NAA35: variants seen among roughly 807,000 people sequenced by gnomAD.
NAA35 encodes MAK10 homolog, amino-acid N-acetyltransferase subunit.
In NAA35, 18 loss-of-function variants were observed where a neutral mutation model predicts 101.7. That is an observed-to-expected ratio of 0.18 (90% CI 0.12 to 0.26). The LOEUF is 0.26. NAA35 is among the 10% of genes least tolerant of loss of function. NAA35 has a pLI of 1.00. For missense variants in NAA35, 601 were observed against 886.8 expected (o/e 0.68, Z 4.09); for synonymous variants, 267 against 273.1 (o/e 0.98, Z 0.22).
intron 11 of NAA35, 125 bp downstream of exon 11, chr9:85,978,506 T>TA: frequency 1.6e-6 from 1 of 640,196 alleles, no homozygotes; most frequent in South Asian, 1.9e-5. Flanking sequence ...TCCAGAGACT[T>TA]ACAGTGTTTA....
chr9:85,987,552 TTC>T (rs1221187242), intron 11 of NAA35, among the ~76,000 whole-genome samples: 5 of 152,196 alleles, frequency 3.3e-5, no homozygotes, highest in Non-Finnish European at 7.3e-5. Context: ...TCAAAATTTT[TTC>T]TGTTTTTAAA....
At chr9:85,990,157 C>CA (rs1830840051) in intron 11 of NAA35, among the ~76,000 whole-genome samples, 1 of 152,192 alleles carries the variant, frequency 6.6e-6, no homozygotes, top group Non-Finnish European at 1.5e-5. Context: ...GTTAAGCAGA[C>CA]ATGTGGAAAG....
chr9:85,957,089 A>T (rs1437583967), intron 3 of NAA35, among the ~76,000 whole-genome samples: 1 of 152,172 alleles, frequency 6.6e-6, no homozygotes, highest in Admixed American at 6.5e-5. Context: ...ACAGTCAAGA[A>T]TCCACGTATA....
At chr9:85,948,607 C>A (rs997258384) in intron 2 of NAA35, among the ~76,000 whole-genome samples, 1 of 152,156 alleles carries the variant, frequency 6.6e-6, no homozygotes, top group Admixed American at 6.6e-5. Context: ...CTCTTAATAT[C>A]TGAAAATGTC....
At chr9:85,980,362 G>T (rs982859594) in intron 11 of NAA35, among the ~76,000 whole-genome samples, 10 of 147,334 alleles carry the variant, frequency 6.8e-5, no homozygotes, top group Admixed American at 4.7e-4. Context: ...TGTGGGGTGG[G>T]GCTGAAAGTT....
chr9:85,976,293 C>G (rs138954364), intron 8 of NAA35, among the ~76,000 whole-genome samples: 3 of 152,230 alleles, frequency 2.0e-5, no homozygotes, highest in Non-Finnish European at 2.9e-5. Flanking sequence ...GACCATTGAA[C>G]TTTATTTTTT....
In NAA35 at chr9:86,023,380, A is replaced by C. The variant is rs1222163696; in HGVS notation, c.*1420A>C. ...CTGGTAATTACTGAATGCTTTAAACAAAAAAAGGCAAAGGAATGGTAGGAA... is the reference window on the plus strand; with the variant it reads ...CTGGTAATTACTGAATGCTTTAAACCAAAAAAGGCAAAGGAATGGTAGGAA... On this transcript the variant is annotated 3_prime_UTR_variant, in exon 23 of 23. Coordinates refer to ENST00000361671, the MANE Select transcript of NAA35 (RefSeq NM_024635.4). 6.6e-6 allele frequency among the ~76,000 whole-genome samples: 1 copy of C among 152,164 alleles called. No homozygotes were observed. Among genetic ancestry groups the C allele is most frequent in the African/African-American group, 2.4e-5 (1 of 41,454 alleles).
rs975278703 is a variant in NAA35, at chr9:85,962,244, A to G, written c.516+64A>G. 7.9e-6 allele frequency: 12 copies of G among 1,526,284 alleles called. No homozygotes were observed. In the African/African-American group the frequency reaches 1.2e-4, roughly 16 times the overall value. The allele number at this position is 1,526,284 out of a possible 1,614,324, so 94.5% of individuals were successfully genotyped here. A position where few individuals can be genotyped will look rare whatever the true frequency, so the allele number is the denominator to read the frequency against. ...GGTGGCTCATGCCTGTAATCTCAGC[A>G]GTTTGGGAGGCCAAGGTGGGCAGAT... is the stretch of plus-strand genomic sequence containing the variant. On this transcript the variant is annotated intron_variant, in intron 6 of 22. Transcript: ENST00000361671.
chr9:85,986,814 C>T (rs1177248658), intron 11 of NAA35: 2 of 239,970 alleles, frequency 8.3e-6, no homozygotes, highest in East Asian at 3.0e-4. Context: ...TGGTCTCGAA[C>T]TCCTGACCTC....
At chr9:85,944,463 G>A (rs962435059) in intron 2 of NAA35, among the ~76,000 whole-genome samples, 3 of 152,220 alleles carry the variant, frequency 2.0e-5, no homozygotes, top group Non-Finnish European at 4.4e-5. Context: ...TAAGGCCTTG[G>A]ACTAGGCCTT....
chr9:86,013,777 A>G lies in NAA35; in HGVS notation c.1448A>G (p.Gln483Arg), dbSNP rs773815159. 1 of 1,614,132 alleles carries G rather than the reference A, an allele frequency of 6.2e-7. No homozygotes were observed. Among genetic ancestry groups the G allele is most frequent in the Non-Finnish European group, 8.5e-7 (1 of 1,179,992 alleles). Reference sequence around the variant, plus strand: ...CTGTTGAAACAGGAACCCCAAAGGCAACATTTGGCCTGTTTAGGTACCTGG... The same window carrying G: ...CTGTTGAAACAGGAACCCCAAAGGCGACATTTGGCCTGTTTAGGTACCTGG... ...TMLLKQEPQRQHLACLGTWVL... is the reference protein window; with the variant it reads ...TMLLKQEPQRRHLACLGTWVL... Residue 483 changes from glutamine (Q) to arginine (R), a missense_variant, in exon 17 of 23, where the codon CAA (glutamine) becomes CGA (arginine). Gln to Arg is a conservative substitution (Grantham distance 43, BLOSUM62 1). Coordinates refer to ENST00000361671, the MANE Select transcript of NAA35 (RefSeq NM_024635.4).
At chr9:85,971,543 G>T (rs1291531241) in intron 6 of NAA35, among the ~76,000 whole-genome samples, 1 of 152,088 alleles carries the variant, frequency 6.6e-6, no homozygotes, top group African/African-American at 2.4e-5. Context: ...CAATGATGAA[G>T]TCCAAATTTA....
intron 13 of NAA35, 92 bp from the exon 14 acceptor site, chr9:86,007,266 G>A: frequency 1.2e-6 from 1 of 860,090 alleles, no homozygotes; most frequent in Non-Finnish European, 1.8e-6. Context: ...TTAATCACTT[G>A]CGTAGTCTGT....
intron 15 of NAA35, among the ~76,000 whole-genome samples, chr9:86,011,982 A>G (rs1182556973): frequency 2.8e-5 from 4 of 143,188 alleles, no homozygotes; most frequent in Admixed American, 7.2e-5. Flanking sequence ...AATATATAAT[A>G]TATATTATAT....
intron 6 of NAA35, among the ~76,000 whole-genome samples, chr9:85,966,001 T>C (rs766917526): frequency 6.6e-6 from 1 of 152,198 alleles, no homozygotes; most frequent in Admixed American, 6.5e-5. Flanking sequence ...TGCAGCGGCA[T>C]GATCGTAGCT....
At chr9:85,966,861 C>CT (rs1829763634) in intron 6 of NAA35, among the ~76,000 whole-genome samples, 1 of 152,198 alleles carries the variant, frequency 6.6e-6, no homozygotes, top group Non-Finnish European at 1.5e-5. Flanking sequence ...AATCCCAGCA[C>CT]TTTGGGAGGC....
In NAA35 at chr9:86,013,835, G is replaced by T; in HGVS notation, c.1506G>T (p.Gln502His). ...ACCATAACCTTCGCATTATGATACA[G>T]TACCTTCTAAGTGGCTTTGAATTGG... ...VLYHNLRIMIQYLLSGFELEL... is the reference protein window; with the variant it reads ...VLYHNLRIMIHYLLSGFELEL... Residue 502 changes from glutamine (Q) to histidine (H), a missense_variant, in exon 17 of 23, where the codon CAG (glutamine) becomes CAT (histidine). Physicochemically the swap from Gln to His is conservative, Grantham distance 24 (BLOSUM62 0). Coordinates refer to ENST00000361671, the MANE Select transcript of NAA35 (RefSeq NM_024635.4). 2 of 1,614,008 alleles carry T rather than the reference G, an allele frequency of 1.2e-6. No homozygotes were observed. Among genetic ancestry groups the T allele is most frequent in the Non-Finnish European group, 1.7e-6 (2 of 1,179,930 alleles).
rs369866509 is a variant in NAA35 at position 86,019,198 on chromosome 9, C to T, written c.2037+377C>T. Among the ~76,000 whole-genome samples, 52 of 152,120 alleles carry T rather than the reference C, an allele frequency of 3.4e-4. 1 individual carries two copies. In the East Asian group the frequency reaches 9.5e-3, roughly 28 times the overall value. On this transcript the variant is annotated intron_variant, in intron 21 of 22. Transcript: ENST00000361671. ...AAGGGGCCAGGCGTGGTGGCTCACA[C>T]CTGTAATCTCAGCACTTTGGGAGGC... is the stretch of plus-strand genomic sequence containing the variant.
intron 6 of NAA35, among the ~76,000 whole-genome samples, chr9:85,972,928 A>G (rs1830056917): frequency 6.6e-6 from 1 of 152,250 alleles, no homozygotes; most frequent in Admixed American, 6.5e-5. Context: ...GTAATTAAAT[A>G]CACATATAAT....
Sources: allele counts gnomAD v4.1 joint callset (sites outside exome capture counted in the v4.1 genomes callset), GRCh38; gene constraint gnomAD v4.1.1; transcripts MANE v1.5; gene names NCBI Gene and HGNC (gene_info 2026-07-23, HGNC 2026-07-21).